The following RAPGEF5 variants were observed in gnomAD, a reference collection of about 807,000 sequenced individuals.
RAPGEF5 encodes Rap guanine nucleotide exchange factor 5.
In RAPGEF5, 65 loss-of-function variants were observed where a neutral mutation model predicts 125.2. The ratio of observed to expected loss-of-function variants is 0.52; its 90% confidence interval spans 0.43 to 0.64. The LOEUF (loss-of-function observed/expected upper bound fraction) is 0.64, where lower values mean the gene tolerates loss of function less well. Ranked by LOEUF, RAPGEF5 falls within the 30% of genes least tolerant of loss-of-function variation. RAPGEF5 has a pLI of 0.00. For missense variants in RAPGEF5, 958 were observed against 1,048.1 expected (o/e 0.91, Z 1.19); for synonymous variants, 391 against 385.9 (o/e 1.01, Z -0.16).
chr7:22,314,220 CA>C (rs1239471841), intron 3 of RAPGEF5, among the ~76,000 whole-genome samples: 1 of 152,022 alleles, frequency 6.6e-6, no homozygotes, highest in Non-Finnish European at 1.5e-5. Context: ...AAAATGGTTG[CA>C]GGGAATGGTT....
At chr7:22,237,778 C>T (rs2128135632) in intron 7 of RAPGEF5, among the ~76,000 whole-genome samples, 2 of 152,284 alleles carry the variant, frequency 1.3e-5, no homozygotes, top group East Asian at 3.9e-4. Context: ...GATTAAACCC[C>T]TCATGTTTCA....
chr7:22,254,117 C>T (rs1583520419), intron 7 of RAPGEF5, among the ~76,000 whole-genome samples: 2 of 152,180 alleles, frequency 1.3e-5, no homozygotes, highest in East Asian at 3.8e-4. Context: ...TGCCTTTTCA[C>T]TGGTGTCCAG....
intron 7 of RAPGEF5, among the ~76,000 whole-genome samples, chr7:22,231,196 T>G (rs1441209783): frequency 6.6e-6 from 1 of 152,200 alleles, no homozygotes; most frequent in Admixed American, 6.5e-5. Flanking sequence ...ATATCAGCAT[T>G]GTGCTTTACC....
intron 11 of RAPGEF5, among the ~76,000 whole-genome samples, chr7:22,189,849 G>T (rs546564425): frequency 6.6e-5 from 10 of 152,276 alleles, no homozygotes; most frequent in African/African-American, 2.2e-4. Context: ...GAGTGTTATT[G>T]CTAACTTAGT....
At position 22,136,998 on chromosome 7, in the gene RAPGEF5, C is replaced by G. The variant is rs1422224484; in HGVS notation, c.2278-15G>C. On this transcript the variant is annotated splice_polypyrimidine_tract_variant and intron_variant, in intron 21 of 25. Coordinates refer to ENST00000665637, the MANE Select transcript of RAPGEF5 (RefSeq NM_012294.5). ...CCAGGGATTTTCTAAAAAACAAACA[C>G]AAACAAAAAACAGAAGGTCACAGAA... 5 of 1,556,442 alleles carry G rather than the reference C, an allele frequency of 3.2e-6. No homozygotes were observed. The highest frequency in any genetic ancestry group is 4.4e-6 in the Non-Finnish European group (5 of 1,143,114).
rs562757433 is a variant in RAPGEF5, at chr7:22,210,667, G to A, written c.996+9199C>T. Among the ~76,000 whole-genome samples the A allele has an allele frequency of 2.2e-4, 34 of 152,206 alleles. No homozygotes were observed. The South Asian group carries it at 5.8e-3, about 26-fold the overall frequency. The stretch of plus-strand genomic sequence containing the variant: ...TACTCTGACTCACTTTGCCTCAGTC[G>A]TGCCCAGTCATTCCTGGAACCTGAA... On this transcript the variant is annotated intron_variant, in intron 9 of 25. Coordinates refer to ENST00000665637, the MANE Select transcript of RAPGEF5 (RefSeq NM_012294.5).
At chr7:22,212,261 C>T (rs1419483326) in intron 9 of RAPGEF5, among the ~76,000 whole-genome samples, 1 of 152,324 alleles carries the variant, frequency 6.6e-6, no homozygotes, top group South Asian at 2.1e-4. Flanking sequence ...GCGTGAGCCA[C>T]CACACCCGGC....
At chr7:22,317,428 G>T (rs1783625649) in intron 2 of RAPGEF5, among the ~76,000 whole-genome samples, 1 of 151,804 alleles carries the variant, frequency 6.6e-6, no homozygotes, top group Non-Finnish European at 1.5e-5. Flanking sequence ...TTTCAGTAGA[G>T]ATGGGGTTTC....
intron 18 of RAPGEF5, among the ~76,000 whole-genome samples, chr7:22,149,144 G>A (rs1233520531): frequency 1.3e-5 from 2 of 152,178 alleles, no homozygotes; most frequent in African/African-American, 4.8e-5. Context: ...CTCTCGTGGG[G>A]TTACTGGAAG....
intron 6 of RAPGEF5, among the ~76,000 whole-genome samples, chr7:22,282,258 T>C (rs1782690888): frequency 6.6e-6 from 1 of 152,186 alleles, no homozygotes; most frequent in Non-Finnish European, 1.5e-5. Flanking sequence ...GACCAAGCTG[T>C]ATTTTTTTTC....
intron 11 of RAPGEF5, among the ~76,000 whole-genome samples, chr7:22,180,905 A>G (rs937390693): frequency 3.3e-5 from 5 of 152,216 alleles, no homozygotes; most frequent in Admixed American, 3.3e-4. Context: ...CTGGGAGACT[A>G]TCAAACAGTG....
chr7:22,353,479 T>C (rs951555578), intron 1 of RAPGEF5, among the ~76,000 whole-genome samples: 26 of 152,200 alleles, frequency 1.7e-4, no homozygotes, highest in Non-Finnish European at 3.7e-4. Flanking sequence ...CAACATGATG[T>C]ACGGAATTTT....
At chr7:22,347,283 A>C (rs946712177) in intron 1 of RAPGEF5, among the ~76,000 whole-genome samples, 23 of 152,176 alleles carry the variant, frequency 1.5e-4, no homozygotes, top group African/African-American at 5.6e-4. Context: ...GATTGTTAAT[A>C]TAATCTTAAT....
intron 2 of RAPGEF5, among the ~76,000 whole-genome samples, chr7:22,316,485 ATATATT>A (rs1246300949): frequency 4.1e-4 from 12 of 29,588 alleles, no homozygotes; most frequent in African/African-American, 1.5e-3. Context: ...ATATATATAT[ATATATT>A]TTTTTTTTTT....
At chr7:22,317,840 G>C in intron 2 of RAPGEF5, 147 bp downstream of exon 2, 2 of 1,036,946 alleles carry the variant, frequency 1.9e-6, no homozygotes, top group Non-Finnish European at 2.8e-6. Context: ...TGTCATCCCA[G>C]GTGGTGAAGA....
intron 1 of RAPGEF5, among the ~76,000 whole-genome samples, chr7:22,332,811 C>T (rs932964388): frequency 1.3e-5 from 2 of 152,214 alleles, no homozygotes; most frequent in African/African-American, 4.8e-5. Context: ...TCTTTAGCCA[C>T]CTTCTCTCTG....
At chr7:22,241,687 T>C (rs1786334847) in intron 7 of RAPGEF5, among the ~76,000 whole-genome samples, 1 of 152,156 alleles carries the variant, frequency 6.6e-6, no homozygotes, top group African/African-American at 2.4e-5. Context: ...TTAGTGACTT[T>C]ATATTATTAT....
At chr7:22,177,124 A>C (rs1023898007) in intron 11 of RAPGEF5, among the ~76,000 whole-genome samples, 7 of 152,174 alleles carry the variant, frequency 4.6e-5, no homozygotes, top group Admixed American at 3.3e-4. Flanking sequence ...TTCTGTGACT[A>C]AGGGATGACA....
At chr7:22,156,955 T>C in intron 15 of RAPGEF5, 67 bp from the exon 16 acceptor site, 1 of 1,586,578 alleles carries the variant, frequency 6.3e-7, no homozygotes, top group Non-Finnish European at 8.6e-7. Context: ...CATAGCTGTT[T>C]ACAATATGTT....
Sources: gnomAD v4.1 joint callset for allele counts (sites outside exome capture counted in the v4.1 genomes callset) on GRCh38, gnomAD v4.1.1 for gene constraint, MANE v1.5 for transcripts, NCBI Gene and HGNC (gene_info 2026-07-23, HGNC 2026-07-21) for gene names.